PRICKLE1: variants seen among roughly 807,000 people sequenced by gnomAD.
The protein encoded by PRICKLE1 is prickle planar cell polarity protein 1, also known as prickle-like protein 1.
Under a neutral mutation model 70.2 loss-of-function variants are expected in PRICKLE1, and 14 were observed. That is an observed-to-expected ratio of 0.20 (90% CI 0.13 to 0.31). The LOEUF (loss-of-function observed/expected upper bound fraction) is 0.31, where lower values mean the gene tolerates loss of function less well. Among genes scored for constraint, PRICKLE1 ranks in the 10% least tolerant of loss-of-function variants. PRICKLE1 has a pLI of 1.00. For missense variants in PRICKLE1, 821 were observed against 1,026.2 expected (o/e 0.80, Z 2.73); for synonymous variants, 357 against 379.9 (o/e 0.94, Z 0.70).
chr12:42,470,196 C>T lies in PRICKLE1; in HGVS notation c.246+50G>A, dbSNP rs2140118566. The T allele has an allele frequency of 3.1e-6, 4 of 1,289,200 alleles. No individual in the cohort carries two copies. In the East Asian group the frequency reaches 9.2e-5, roughly 30 times the overall value. 79.9% of individuals were successfully genotyped at this position (1,289,200 alleles called of 1,614,324 possible). A position where few individuals can be genotyped will look rare whatever the true frequency, so the allele number is the denominator to read the frequency against. The stretch of plus-strand genomic sequence containing the variant: ...TTATGAGCAGCATCTCAATGCTTCT[C>T]ATGCATTTTTTCTTCTTTTTTCTAA... On this transcript the variant is annotated intron_variant, in intron 3 of 7. Coordinates refer to ENST00000345127, the MANE Select transcript of PRICKLE1 (RefSeq NM_153026.3).
intron 1 of PRICKLE1, among the ~76,000 whole-genome samples, chr12:42,557,505 T>C (rs1030386418): frequency 1.3e-5 from 2 of 152,146 alleles, no homozygotes; most frequent in African/African-American, 4.8e-5. Flanking sequence ...TATGCTTCCC[T>C]GAAAATTTGG....
At chr12:42,500,642 TAATAC>T (rs147550187) in intron 1 of PRICKLE1, among the ~76,000 whole-genome samples, 1 of 151,282 alleles carries the variant, frequency 6.6e-6, no homozygotes, top group African/African-American at 2.4e-5. Context: ...CATAGCACTA[TAATAC>T]ATTTTTCATT....
intron 2 of PRICKLE1, among the ~76,000 whole-genome samples, chr12:42,471,984 T>C (rs977757485): frequency 3.9e-5 from 6 of 152,234 alleles, no homozygotes; most frequent in African/African-American, 1.2e-4. Flanking sequence ...AGCAAAAGCA[T>C]TGCTGAGAAC....
chr12:42,481,543 G>T (rs1386680850), intron 1 of PRICKLE1, among the ~76,000 whole-genome samples: 4 of 152,186 alleles, frequency 2.6e-5, no homozygotes. Context: ...AGTGCCATCC[G>T]TGGGCTACAA....
intron 5 of PRICKLE1, among the ~76,000 whole-genome samples, chr12:42,467,881 TACA>T (rs1938164391): frequency 6.6e-6 from 1 of 152,154 alleles, no homozygotes; most frequent in Non-Finnish European, 1.5e-5. Context: ...ACTAAGAAGA[TACA>T]ACGAGTAAAT....
At chr12:42,562,036 C>T (rs1245766596) in intron 1 of PRICKLE1, among the ~76,000 whole-genome samples, 1 of 151,578 alleles carries the variant, frequency 6.6e-6, no homozygotes, top group Middle Eastern at 3.2e-3. Context: ...CTCAGCTCCC[C>T]GAGTAGCTGG....
chr12:42,588,661 G>A (rs1232074028), intron 1 of PRICKLE1, among the ~76,000 whole-genome samples: 2 of 152,020 alleles, frequency 1.3e-5, no homozygotes, highest in East Asian at 1.9e-4. Context: ...GGAACTAAGC[G>A]TGATGCAGCC....
Position 42,465,250 on chromosome 12 carries a change from G to C in PRICKLE1, c.784C>G (p.His262Asp). The change falls in exon 7 of 8, where the codon CAT (histidine) becomes GAT (aspartate). Residue 262 changes from histidine (H) to aspartate (D), a missense_variant. His to Asp is a moderately conservative substitution (Grantham distance 81, BLOSUM62 -1). Coordinates refer to ENST00000345127, the MANE Select transcript of PRICKLE1 (RefSeq NM_153026.3). ...TGCCCGTCATAGGTCATCTGTGCAT[G>C]GTCCACACCTGTTTTGAAAAGGATA... is the stretch of plus-strand genomic sequence containing the variant. ...ETCGEHIGVD[H>D]AQMTYDGQHW... 1 of 1,614,082 alleles carries C rather than the reference G, an allele frequency of 6.2e-7. No homozygotes were observed. The highest frequency in any genetic ancestry group is 1.1e-5 in the South Asian group (1 of 91,050).
intron 1 of PRICKLE1, among the ~76,000 whole-genome samples, chr12:42,527,950 T>TCC (rs1939838787): frequency 2.1e-5 from 1 of 48,614 alleles, no homozygotes; most frequent in African/African-American, 6.4e-5. Flanking sequence ...TATATATATA[T>TCC]ATATATATAT....
At chr12:42,486,525 A>G (rs1938993300) in intron 1 of PRICKLE1, among the ~76,000 whole-genome samples, 1 of 152,244 alleles carries the variant, frequency 6.6e-6, no homozygotes, top group African/African-American at 2.4e-5. Context: ...ATAATAGAAA[A>G]TCAGAAATAT....
intron 1 of PRICKLE1, among the ~76,000 whole-genome samples, chr12:42,583,455 C>T (rs1424318844): frequency 1.3e-5 from 2 of 152,170 alleles, no homozygotes; most frequent in African/African-American, 4.8e-5. Context: ...CTCTAAGCAT[C>T]TTTTGGTGGG....
At chr12:42,466,414 G>C (rs1938099741) in intron 5 of PRICKLE1, 34 bp from the exon 6 acceptor site, 1 of 1,596,332 alleles carries the variant, frequency 6.3e-7, no homozygotes, top group African/African-American at 1.3e-5. Flanking sequence ...GAGAATGAAA[G>C]AAAATCATTA....
chr12:42,586,806 G>A (rs1940993517), intron 1 of PRICKLE1, among the ~76,000 whole-genome samples: 4 of 152,164 alleles, frequency 2.6e-5, no homozygotes, highest in Non-Finnish European at 4.4e-5. Flanking sequence ...GAGAAATTAT[G>A]ATGCAACTTT....
chr12:42,495,486 C>T (rs1294460010), intron 1 of PRICKLE1, among the ~76,000 whole-genome samples: 1 of 152,126 alleles, frequency 6.6e-6, no homozygotes, highest in East Asian at 1.9e-4. Flanking sequence ...CTCACCTCAG[C>T]CTCCCAAGTA....
chr12:42,577,511 G>T lies in PRICKLE1; in HGVS notation c.-49+11954C>A, dbSNP rs1592042891. The stretch of plus-strand genomic sequence containing the variant: ...TAGACTGTTAAAAAAATTCTAATTT[G>T]GGATTTGGGTGGTGAGAATGATGAG... On this transcript the variant is annotated intron_variant, in intron 1 of 7. Transcript: ENST00000345127. Among the ~76,000 whole-genome samples the T allele has an allele frequency of 2.0e-5, 3 of 152,216 alleles. No homozygotes were observed. In the East Asian group the frequency reaches 5.8e-4, roughly 29 times the overall value.
intron 1 of PRICKLE1, among the ~76,000 whole-genome samples, chr12:42,522,942 T>C (rs1202696496): frequency 1.3e-5 from 2 of 151,142 alleles, no homozygotes; most frequent in South Asian, 2.1e-4. Context: ...TTCATGTTAG[T>C]TGAAAGGTGA....
intron 1 of PRICKLE1, among the ~76,000 whole-genome samples, chr12:42,522,823 T>G (rs1157784571): frequency 6.6e-6 from 1 of 152,228 alleles, no homozygotes; most frequent in Non-Finnish European, 1.5e-5. Flanking sequence ...AATTTGATCT[T>G]TAGGGATCTA....
At chr12:42,465,347 T>G in intron 6 of PRICKLE1, 89 bp from the exon 7 acceptor site, 1 of 1,306,352 alleles carries the variant, frequency 7.7e-7, no homozygotes, top group African/African-American at 1.5e-5. Context: ...TAAATAAAGA[T>G]TATGGGTATG....
intron 1 of PRICKLE1, among the ~76,000 whole-genome samples, chr12:42,525,849 A>T (rs1939790713): frequency 6.6e-6 from 1 of 152,106 alleles, no homozygotes; most frequent in Non-Finnish European, 1.5e-5. Flanking sequence ...TAAAAGTGAT[A>T]ATACATACAA....
Sources: allele counts gnomAD v4.1 joint callset (sites outside exome capture counted in the v4.1 genomes callset), GRCh38; gene constraint gnomAD v4.1.1; transcripts MANE v1.5; gene names NCBI Gene and HGNC (gene_info 2026-07-23, HGNC 2026-07-21).